Variants in FOXN4 observed in about 807,000 individuals in gnomAD.
FOXN4 encodes the protein forkhead box protein N4.
Under a neutral mutation model 45.0 loss-of-function variants are expected in FOXN4, and 12 were observed. The observed-to-expected ratio is 0.27, with a 90% CI of 0.17 to 0.43. FOXN4 has a LOEUF of 0.43. Ranked by LOEUF, FOXN4 falls within the 20% of genes least tolerant of loss-of-function variation. The probability of loss-of-function intolerance (pLI) is 1.00; values close to 1 mark genes in which losing one functional copy is unlikely to be tolerated. For synonymous variants in FOXN4, 297 were observed against 295.0 expected (o/e 1.01, Z -0.07); for missense variants, 560 against 694.9 (o/e 0.81, Z 2.18).
In FOXN4 at chr12:109,281,507, G is replaced by A. The variant is rs372728344; in HGVS notation, c.1194C>T (p.Pro398=). ...AGTCTACAGGAGCCCTTCCCATGGCGGGGTGGGGGAGCGGGCTGGGGCTGA... is the reference window on the plus strand; with the variant it reads ...AGTCTACAGGAGCCCTTCCCATGGCAGGGTGGGGGAGCGGGCTGGGGCTGA... ...PDLSPSPLPH[P]AMGRAPVDFI... The change falls in exon 9 of 10, where the codon CCC becomes CCT. Residue 398 remains proline, a synonymous_variant. Coordinates refer to ENST00000299162, the MANE Select transcript of FOXN4 (RefSeq NM_213596.3). 1.9e-5 allele frequency: 30 copies of A among 1,613,866 alleles called. No individual in the cohort carries two copies. Among genetic ancestry groups the A allele is most frequent in the Middle Eastern group, 1.6e-4 (1 of 6,084 alleles).
intron 2 of FOXN4, among the ~76,000 whole-genome samples, chr12:109,299,675 C>T (rs1256328258): frequency 6.6e-6 from 1 of 152,226 alleles, no homozygotes; most frequent in African/African-American, 2.4e-5. Flanking sequence ...GGACGGAACA[C>T]ATGGAGCATT....
intron 2 of FOXN4, among the ~76,000 whole-genome samples, chr12:109,299,577 C>T (rs2047850679): frequency 6.6e-6 from 1 of 152,202 alleles, no homozygotes; most frequent in Non-Finnish European, 1.5e-5. Flanking sequence ...TCGATTTCCT[C>T]ATCTGGGATG....
At chr12:109,286,597 C>G in intron 7 of FOXN4, 51 bp downstream of exon 7, 1 of 1,553,266 alleles carries the variant, frequency 6.4e-7, no homozygotes, top group Non-Finnish European at 8.7e-7. Flanking sequence ...CTGGCAGCAC[C>G]AGGAAGAGAC....
intron 2 of FOXN4, among the ~76,000 whole-genome samples, chr12:109,293,591 G>A (rs2047789644): frequency 6.6e-6 from 1 of 152,188 alleles, no homozygotes; most frequent in African/African-American, 2.4e-5. Flanking sequence ...TCCGCCTCCT[G>A]AGTTCAAGCG....
intron 2 of FOXN4, among the ~76,000 whole-genome samples, chr12:109,304,481 T>C (rs1220305674): frequency 6.6e-6 from 1 of 152,186 alleles, no homozygotes; most frequent in East Asian, 1.9e-4. Context: ...CTAACCCACA[T>C]TGAGCATGAG....
At chr12:109,302,728 G>A (rs147036350) in intron 2 of FOXN4, among the ~76,000 whole-genome samples, 3 of 151,984 alleles carry the variant, frequency 2.0e-5, no homozygotes, top group African/African-American at 4.8e-5. Context: ...AAATATTGCC[G>A]GGGGGTGGGG....
intron 2 of FOXN4, among the ~76,000 whole-genome samples, chr12:109,294,690 A>C (rs984460923): frequency 6.6e-6 from 1 of 152,130 alleles, no homozygotes; most frequent in African/African-American, 2.4e-5. Context: ...TCTGGCATTC[A>C]GGCATGTCTT....
intron 2 of FOXN4, among the ~76,000 whole-genome samples, chr12:109,303,717 C>A (rs1256271303): frequency 1.3e-5 from 2 of 152,184 alleles, no homozygotes; most frequent in Non-Finnish European, 2.9e-5. Context: ...TCTCACTGGG[C>A]CTCAGTTTCC....
chr12:109,279,368 C>A lies in FOXN4; in HGVS notation c.*303G>T. ...AGAAGTCTCACTCAACACGGGCAGG[C>A]ATTGCGGCTCAGGCCTCGGAGGAGT... On this transcript the variant is annotated 3_prime_UTR_variant, in exon 10 of 10. Coordinates refer to ENST00000299162, the MANE Select transcript of FOXN4 (RefSeq NM_213596.3). 3 of 448,250 alleles carry A rather than the reference C, an allele frequency of 6.7e-6. No homozygotes were observed. In the South Asian group the frequency reaches 7.7e-5, roughly 12 times the overall value. 27.8% of individuals were successfully genotyped at this position (448,250 alleles called of 1,614,324 possible).
Position 109,287,573 on chromosome 12 carries a change from T to A in FOXN4, c.469-49A>T, listed in dbSNP as rs186302817. ...GAAAGTGGCAGAGAAAGAGAGAAGG[T>A]GAGAAATAACATACGTCACTCACAG... On this transcript the variant is annotated intron_variant, in intron 5 of 9. Coordinates refer to ENST00000299162, the MANE Select transcript of FOXN4 (RefSeq NM_213596.3). This position sits in a 1 kb window ranked among gnomAD's most constrained non-coding sequence, Gnocchi z 4.1. 9.2e-5 allele frequency: 137 copies of A among 1,482,496 alleles called. No homozygotes were observed. In the African/African-American group the frequency reaches 1.9e-3, roughly 20 times the overall value. The allele number at this position is 1,482,496 out of a possible 1,614,324, so 91.8% of individuals were successfully genotyped here. A position where few individuals can be genotyped will look rare whatever the true frequency, so the allele number is the denominator to read the frequency against.
chr12:109,297,688 C>T (rs942737267), intron 2 of FOXN4, among the ~76,000 whole-genome samples: 2 of 152,146 alleles, frequency 1.3e-5, no homozygotes, highest in African/African-American at 2.4e-5. Context: ...AGTTTCATCC[C>T]GAAACCATCC....
At chr12:109,293,658 G>C (rs748515661) in intron 2 of FOXN4, among the ~76,000 whole-genome samples, 14 of 152,144 alleles carry the variant, frequency 9.2e-5, no homozygotes, top group Non-Finnish European at 1.9e-4. Context: ...CCACCACGCT[G>C]GGCTAATTTT....
Position 109,279,585 on chromosome 12 carries a change from G to A in FOXN4, c.*86C>T. 1 of 1,521,622 alleles carries A rather than the reference G, an allele frequency of 6.6e-7. No individual in the cohort carries two copies. Among genetic ancestry groups the A allele is most frequent in the Non-Finnish European group, 8.9e-7 (1 of 1,129,538 alleles). 94.3% of individuals were successfully genotyped at this position (1,521,622 alleles called of 1,614,324 possible). A position where few individuals can be genotyped will look rare whatever the true frequency, so the allele number is the denominator to read the frequency against. On this transcript the variant is annotated 3_prime_UTR_variant, in exon 10 of 10. Coordinates refer to ENST00000299162, the MANE Select transcript of FOXN4 (RefSeq NM_213596.3). ...CAGGAGAGGCTTCGGGGACAATGAGGGACCTGCCTTCTGGGAACACCCTGT... is the reference window on the plus strand; with the variant it reads ...CAGGAGAGGCTTCGGGGACAATGAGAGACCTGCCTTCTGGGAACACCCTGT...
intron 2 of FOXN4, among the ~76,000 whole-genome samples, chr12:109,299,643 AG>A (rs1274765173): frequency 2.6e-5 from 4 of 152,160 alleles, no homozygotes; most frequent in African/African-American, 7.2e-5. Flanking sequence ...GGGATGCTGA[AG>A]GGTTGGGTCC....
At chr12:109,283,224 T>C (rs1334681928) in intron 8 of FOXN4, among the ~76,000 whole-genome samples, 1 of 152,074 alleles carries the variant, frequency 6.6e-6, no homozygotes, top group Non-Finnish European at 1.5e-5. Flanking sequence ...AGGAACAGGA[T>C]AGAAGTTTTG....
chr12:109,289,342 G>A (rs2047744616), intron 3 of FOXN4, among the ~76,000 whole-genome samples: 1 of 152,216 alleles, frequency 6.6e-6, no homozygotes, highest in Non-Finnish European at 1.5e-5. Context: ...CGATGGCAAA[G>A]TTGAATTGTT....
At chr12:109,286,831 G>A (rs185879590) in intron 6 of FOXN4, 87 bp from the exon 7 acceptor site, 45 of 1,486,346 alleles carry the variant, frequency 3.0e-5, no homozygotes, top group East Asian at 2.4e-4. Context: ...GCCCAATGCC[G>A]CCTCTGCCAG....
intron 1 of FOXN4, 52 bp from the exon 2 acceptor site, chr12:109,308,376 A>T (rs745744271): frequency 7.6e-7 from 1 of 1,310,198 alleles, no homozygotes; most frequent in Non-Finnish European, 1.1e-6. Context: ...CGATATGGAC[A>T]GGGCAGAAAC....
chr12:109,296,039 C>G (rs566607492), intron 2 of FOXN4, among the ~76,000 whole-genome samples: 1 of 152,330 alleles, frequency 6.6e-6, no homozygotes, highest in African/African-American at 2.4e-5. Flanking sequence ...AAGTGCCCAT[C>G]CTCTCCTCTT....
Sources: allele counts gnomAD v4.1 joint callset (sites outside exome capture counted in the v4.1 genomes callset), GRCh38; gene constraint gnomAD v4.1.1; non-coding constraint Gnocchi (gnomAD v3.1); transcripts MANE v1.5; gene names NCBI Gene and HGNC (gene_info 2026-07-23, HGNC 2026-07-21).